PCDH15: variants seen among roughly 807,000 people sequenced by gnomAD.
PCDH15 encodes protocadherin related 15.
A neutral mutation model predicts 178.5 loss-of-function variants in PCDH15; 129 were observed. That is an observed-to-expected ratio of 0.72 (90% CI 0.63 to 0.84). The LOEUF (loss-of-function observed/expected upper bound fraction) is 0.84. PCDH15 is among the 40% of genes least tolerant of loss of function. The pLI is 0.00. For missense variants in PCDH15, 2,230 were observed against 2,099.9 expected (o/e 1.06, Z -1.21); for synonymous variants, 800 against 732.0 (o/e 1.09, Z -1.50).
At chr10:54,017,775 TA>T (rs2092789548) in intron 20 of PCDH15, among the ~76,000 whole-genome samples, 1 of 152,034 alleles carries the variant, frequency 6.6e-6, no homozygotes, top group South Asian at 2.1e-4. Context: ...TGTGAACATG[TA>T]ATGCCTGAAT....
intron 2 of PCDH15, among the ~76,000 whole-genome samples, chr10:54,537,895 T>C (rs1432090713): frequency 3.3e-5 from 5 of 152,212 alleles, no homozygotes; most frequent in Admixed American, 6.5e-5. Context: ...TCATGTTTGT[T>C]GTCTGCTTGT....
chr10:54,195,968 T>C, intron 10 of PCDH15, 79 bp from the exon 11 acceptor site: 2 of 1,276,990 alleles, frequency 1.6e-6, no homozygotes, highest in Non-Finnish European at 2.2e-6. Flanking sequence ...TCATGCAATA[T>C]ATAGGGTTCT....
intron 2 of PCDH15, among the ~76,000 whole-genome samples, chr10:54,614,965 A>C (rs2093083121): frequency 1.3e-5 from 2 of 152,148 alleles, no homozygotes; most frequent in Middle Eastern, 3.4e-3. Flanking sequence ...GTACTCAGTA[A>C]ATGGTAATTG....
intron 3 of PCDH15, among the ~76,000 whole-genome samples, chr10:54,460,732 G>T (rs1362101487): frequency 6.6e-6 from 1 of 152,014 alleles, no homozygotes; most frequent in South Asian, 2.1e-4. Context: ...GACAATGGTG[G>T]CATTTAATGA....
Position 55,503,561 on chromosome 10 carries a change from G to A in PCDH15, c.-156+124064C>T, listed in dbSNP as rs552304721. Among the ~76,000 whole-genome samples, 4 of 151,120 alleles carry A rather than the reference G, an allele frequency of 2.6e-5. No individual in the cohort carries two copies. In the East Asian group the frequency reaches 7.8e-4, roughly 29 times the overall value. On this transcript the variant is annotated intron_variant, in intron 2 of 5. Coordinates refer to the PCDH15 transcript ENST00000613346. ...GCATAGGAAGCCAGAGGACAACATT[G>A]AAGATAATTTTAAACTATTGGTAAT...
At chr10:53,956,531 T>C (rs2087628886) in intron 23 of PCDH15, among the ~76,000 whole-genome samples, 1 of 152,202 alleles carries the variant, frequency 6.6e-6, no homozygotes, top group African/African-American at 2.4e-5. Flanking sequence ...CATTTATTTT[T>C]CAAATTTTCT....
At chr10:55,055,053 CA>C (rs1841263341) in intron 2 of PCDH15, among the ~76,000 whole-genome samples, 1 of 152,114 alleles carries the variant, frequency 6.6e-6, no homozygotes, top group African/African-American at 2.4e-5. Context: ...GCTTTTTCTG[CA>C]ATTGCTTTGA....
intron 18 of PCDH15, among the ~76,000 whole-genome samples, chr10:54,049,468 A>C (rs2093721296): frequency 6.6e-6 from 1 of 152,202 alleles, no homozygotes. Flanking sequence ...GAATGCTTTC[A>C]GCATTTTCAT....
intron 2 of PCDH15, among the ~76,000 whole-genome samples, chr10:54,643,134 A>C (rs1300329760): frequency 6.6e-6 from 1 of 152,140 alleles, no homozygotes; most frequent in East Asian, 1.9e-4. Flanking sequence ...CATGTTGGCC[A>C]GGCTGGTCTC....
chr10:53,896,260 G>C (rs1346755816), intron 26 of PCDH15, among the ~76,000 whole-genome samples: 1 of 152,008 alleles, frequency 6.6e-6, no homozygotes. Flanking sequence ...TCAAAGCCCA[G>C]CAGAAACAAA....
At chr10:55,147,463 A>T (rs542675032) in intron 2 of PCDH15, among the ~76,000 whole-genome samples, 3 of 140,632 alleles carry the variant, frequency 2.1e-5, no homozygotes, top group East Asian at 2.1e-4. Flanking sequence ...TTTAAAAAAA[A>T]TTTTTTTGGA....
intron 8 of PCDH15, among the ~76,000 whole-genome samples, chr10:54,280,568 A>AAATT (rs755576628): frequency 2.0e-5 from 3 of 151,760 alleles, no homozygotes; most frequent in Non-Finnish European, 4.4e-5. Flanking sequence ...CTCCTGACCC[A>AAATT]CTGTCTTTGT....
At chr10:54,177,035 T>G (rs927127386) in intron 13 of PCDH15, among the ~76,000 whole-genome samples, 1 of 152,112 alleles carries the variant, frequency 6.6e-6, no homozygotes, top group African/African-American at 2.4e-5. Context: ...AAAATATTAT[T>G]TCATGGAAGA....
At chr10:53,854,394 T>C (rs2078589317) in intron 28 of PCDH15, among the ~76,000 whole-genome samples, 1 of 152,056 alleles carries the variant, frequency 6.6e-6, no homozygotes, top group Admixed American at 6.6e-5. Context: ...ATGTTTAAGA[T>C]GGTAATGTTT....
chr10:53,828,776 C>T (rs1588975520), intron 30 of PCDH15, among the ~76,000 whole-genome samples: 1 of 152,068 alleles, frequency 6.6e-6, no homozygotes, highest in Middle Eastern at 3.4e-3. Flanking sequence ...GTCATTCAAG[C>T]CATTAAAATA....
Position 54,897,753 on chromosome 10 carries a change from T to C in PCDH15, c.-79-253A>G, listed in dbSNP as rs143514138. 6.4e-3 allele frequency among the ~76,000 whole-genome samples: 974 copies of C among 152,286 alleles called. 13 individuals carry two copies. Among genetic ancestry groups the C allele is most frequent in the African/African-American group, 0.023 (936 of 41,570 alleles). The stretch of plus-strand genomic sequence containing the variant: ...CACAAAATGTTTTATCTTTAAGTGC[T>C]TTTAGATTCAGATATTAGATCATTT... On this transcript the variant is annotated intron_variant, in intron 2 of 5. Transcript: ENST00000458638.
At chr10:54,940,279 C>A (rs1022749349) in intron 2 of PCDH15, among the ~76,000 whole-genome samples, 1 of 151,978 alleles carries the variant, frequency 6.6e-6, no homozygotes, top group African/African-American at 2.4e-5. Context: ...CTTGTAAATT[C>A]TCTTTGGTCC....
At chr10:54,913,905 A>G (rs1177119807) in intron 2 of PCDH15, among the ~76,000 whole-genome samples, 2 of 152,200 alleles carry the variant, frequency 1.3e-5, no homozygotes, top group African/African-American at 4.8e-5. Flanking sequence ...AAATGGGAAC[A>G]TTTACCCAGT....
intron 1 of PCDH15, among the ~76,000 whole-genome samples, chr10:54,690,692 A>C (rs2095105069): frequency 6.6e-6 from 1 of 152,126 alleles, no homozygotes; most frequent in Non-Finnish European, 1.5e-5. Flanking sequence ...TTGCATTTTA[A>C]GCTGTGGGGA....
Sources: gnomAD v4.1 joint callset for allele counts (sites outside exome capture counted in the v4.1 genomes callset) on GRCh38, gnomAD v4.1.1 for gene constraint, MANE v1.5 for transcripts, NCBI Gene and HGNC (gene_info 2026-07-23, HGNC 2026-07-21) for gene names.